The following PRELID2 variants were observed in gnomAD, a reference collection of about 807,000 sequenced individuals.
PRELID2 encodes PRELI domain containing 2.
A neutral mutation model predicts 28.4 loss-of-function variants in PRELID2; 25 were observed. The observed-to-expected ratio is 0.88, with a 90% CI of 0.64 to 1.23. The LOEUF (loss-of-function observed/expected upper bound fraction) is 1.23, where lower values mean the gene tolerates loss of function less well. Ranked by LOEUF, PRELID2 falls within the 50% of genes most tolerant of loss-of-function variation. PRELID2 has a pLI of 0.00. For missense variants in PRELID2, 201 were observed against 214.4 expected (o/e 0.94, Z 0.39); for synonymous variants, 76 against 71.6 (o/e 1.06, Z -0.31).
chr5:145,728,972 C>T, intron 1 of PRELID2: 1 of 767,202 alleles, frequency 1.3e-6, no homozygotes, highest in Non-Finnish European at 2.4e-6. Context: ...GACCTTTAGA[C>T]ACAATCTGAG....
At chr5:145,699,528 C>G (rs1422823805) in intron 1 of PRELID2, among the ~76,000 whole-genome samples, 1 of 152,114 alleles carries the variant, frequency 6.6e-6, no homozygotes, top group African/African-American at 2.4e-5. Flanking sequence ...GAGCTTTCCA[C>G]TGACCCATGA....
intron 1 of PRELID2, among the ~76,000 whole-genome samples, chr5:145,652,553 C>T (rs923084698): frequency 3.3e-5 from 5 of 152,288 alleles, no homozygotes; most frequent in South Asian, 4.1e-4. Flanking sequence ...GCTGATCTCT[C>T]GGCAGAAACT....
At chr5:145,368,897 A>T in the PRELID2 span, among the ~76,000 whole-genome samples, 1 of 151,500 alleles carries the variant, frequency 6.6e-6, no homozygotes, top group Admixed American at 6.6e-5. Flanking sequence ...TGTTACATAG[A>T]TCATTTCATC....
chr5:145,555,466 T>A (rs80302768), intron 1 of PRELID2, among the ~76,000 whole-genome samples: 2,972 of 152,310 alleles, frequency 0.02, 88 homozygotes, highest in African/African-American at 0.068. Flanking sequence ...CGTATAACAC[T>A]TTTCCTAGCC....
the PRELID2 span, among the ~76,000 whole-genome samples, chr5:145,340,800 T>A: frequency 2.2e-5 from 3 of 135,192 alleles, no homozygotes; most frequent in African/African-American, 5.6e-5. Flanking sequence ...TATATATATA[T>A]CCTCCCTATA....
chr5:145,777,576 C>T (rs919825190), intron 5 of PRELID2, among the ~76,000 whole-genome samples: 1 of 152,172 alleles, frequency 6.6e-6, no homozygotes, highest in African/African-American at 2.4e-5. Context: ...AATGGCCTGC[C>T]ACTGCCATCA....
intron 1 of PRELID2, among the ~76,000 whole-genome samples, chr5:145,698,516 G>C (rs547528726): frequency 6.6e-6 from 1 of 152,170 alleles, no homozygotes; most frequent in Non-Finnish European, 1.5e-5. Flanking sequence ...TGGAGGCTGG[G>C]AAGTCCAAGA....
chr5:145,509,101 T>C (rs1257255663), intron 1 of PRELID2, among the ~76,000 whole-genome samples: 1 of 152,106 alleles, frequency 6.6e-6, no homozygotes, highest in Non-Finnish European at 1.5e-5. Context: ...GGTATTTGCA[T>C]CCTGGGCTGA....
chr5:145,769,226 C>T (rs1234565483), intron 5 of PRELID2, among the ~76,000 whole-genome samples: 1 of 152,200 alleles, frequency 6.6e-6, no homozygotes, highest in Non-Finnish European at 1.5e-5. Flanking sequence ...TCTTTCCCCT[C>T]TGAGATTTTT....
chr5:145,677,257 C>G (rs1435874165), intron 1 of PRELID2, among the ~76,000 whole-genome samples: 2 of 148,862 alleles, frequency 1.3e-5, no homozygotes, highest in Admixed American at 6.8e-5. Context: ...TGGGTTCAAG[C>G]AATTCTCATG....
chr5:145,831,839 A>G (rs1290740477), intron 1 of PRELID2, among the ~76,000 whole-genome samples: 4 of 152,186 alleles, frequency 2.6e-5, no homozygotes, highest in African/African-American at 9.7e-5. Context: ...ACTATGTACC[A>G]GGTACTTTGC....
chr5:145,463,446 T>C, the PRELID2 span, among the ~76,000 whole-genome samples: 3 of 152,040 alleles, frequency 2.0e-5, no homozygotes, highest in Non-Finnish European at 4.4e-5. Flanking sequence ...CACTTTCATT[T>C]TTAATTAATT....
At chr5:145,648,072 T>C (rs1234547734) in intron 1 of PRELID2, among the ~76,000 whole-genome samples, 10 of 152,216 alleles carry the variant, frequency 6.6e-5, no homozygotes, top group Admixed American at 2.6e-4. Context: ...TGGTAAGGAA[T>C]GAGTATAATT....
At chr5:145,601,504 G>A (rs934481390) in intron 1 of PRELID2, among the ~76,000 whole-genome samples, 1 of 152,048 alleles carries the variant, frequency 6.6e-6, no homozygotes, top group Non-Finnish European at 1.5e-5. Flanking sequence ...CTGTTAATGG[G>A]GAGCTAGATA....
At chr5:145,340,461 T>C in the PRELID2 span, among the ~76,000 whole-genome samples, 3 of 152,122 alleles carry the variant, frequency 2.0e-5, no homozygotes, top group Non-Finnish European at 2.9e-5. Context: ...GCAAGCCACC[T>C]GAAGGCCTAG....
At chr5:145,481,623 C>CAAAAAAAAAAAA (rs70998021) in intron 1 of PRELID2, among the ~76,000 whole-genome samples, 309 of 41,886 alleles carry the variant, frequency 7.4e-3, no homozygotes, top group East Asian at 0.012. Context: ...GCAAGGAAAT[C>CAAAAAAAAAAAA]AAAAAAAAAA....
intron 1 of PRELID2, among the ~76,000 whole-genome samples, chr5:145,517,114 A>G (rs1394119464): frequency 1.3e-5 from 2 of 152,208 alleles, no homozygotes; most frequent in African/African-American, 4.8e-5. Flanking sequence ...AAGCAATGGT[A>G]ACAAAAGCCA....
rs189952104 is a variant in PRELID2, at chr5:145,472,140, G to A, written n.187-3C>T. 16 of 152,412 alleles carry A rather than the reference G, an allele frequency of 1.0e-4. No individual in the cohort carries two copies. The East Asian group carries it at 3.1e-3, about 29-fold the overall frequency. The allele number at this position is 152,412 out of a possible 1,614,324, so 9.4% of individuals were successfully genotyped here. A position where few individuals can be genotyped will look rare whatever the true frequency, so the allele number is the denominator to read the frequency against. ...GGCCTCCAGAACATTTTTGACGACT[G>A]TAGTAGGAAGGCAGAAAGACCCTGA... On this transcript the variant is annotated splice_polypyrimidine_tract_variant and splice_region_variant and intron_variant and non_coding_transcript_variant, in intron 2 of 2. Coordinates refer to the PRELID2 transcript ENST00000510259.
intron 1 of PRELID2, among the ~76,000 whole-genome samples, chr5:145,610,027 C>A (rs1490039913): frequency 1.3e-5 from 2 of 152,208 alleles, no homozygotes; most frequent in Non-Finnish European, 2.9e-5. Context: ...TTATAGAGGT[C>A]CTGCTGGACT....
Sources: gnomAD v4.1 joint callset for allele counts (sites outside exome capture counted in the v4.1 genomes callset) on GRCh38, gnomAD v4.1.1 for gene constraint, MANE v1.5 for transcripts, NCBI Gene and HGNC (gene_info 2026-07-23, HGNC 2026-07-21) for gene names.